FAM53A: variants seen among roughly 807,000 people sequenced by gnomAD.
The protein encoded by FAM53A is family with sequence similarity 53 member A, also known as protein FAM53A.
In FAM53A, 28 loss-of-function variants were observed where a neutral mutation model predicts 26.6. The ratio of observed to expected loss-of-function variants is 1.05; its 90% CI spans 0.78 to 1.45. The LOEUF (loss-of-function observed/expected upper bound fraction) is 1.45. Among genes scored for constraint, FAM53A ranks in the 40% most tolerant of loss-of-function variants. The pLI, the probability that FAM53A is intolerant of heterozygous loss-of-function variation, is 0.00. For missense variants in FAM53A, 650 were observed against 575.8 expected (o/e 1.13, Z -1.32); for synonymous variants, 290 against 253.1 (o/e 1.15, Z -1.38).
In FAM53A at chr4:1,633,368, G is replaced by A. The variant is rs544510157; in HGVS notation, c.432-15257C>T. Among the ~76,000 whole-genome samples the A allele has an allele frequency of 1.6e-3, 245 of 152,262 alleles. 1 individual carries two copies. Among genetic ancestry groups the A allele is most frequent in the Middle Eastern group, 3.4e-3 (1 of 294 alleles). On this transcript the variant is annotated intron_variant, in intron 1 of 1. Coordinates refer to the FAM53A transcript ENST00000489029. ...CTGGGTCAGAGGGTAAATAAAATTCGCCTCAAGAGACGATTTTATAATTAT... is the reference window on the plus strand; with the variant it reads ...CTGGGTCAGAGGGTAAATAAAATTCACCTCAAGAGACGATTTTATAATTAT...
intron 2 of FAM53A, among the ~76,000 whole-genome samples, chr4:1,661,400 C>T (rs1577134409): frequency 1.3e-5 from 2 of 152,228 alleles, no homozygotes; most frequent in African/African-American, 4.8e-5. Context: ...TCCTCAGTCA[C>T]CTGCTTCCCA....
At chr4:1,576,829 C>T in the FAM53A span, among the ~76,000 whole-genome samples, 1 of 152,184 alleles carries the variant, frequency 6.6e-6, no homozygotes, top group Non-Finnish European at 1.5e-5. Context: ...AGAGTTGGGC[C>T]TAGTTTGTCA....
intron 1 of FAM53A, among the ~76,000 whole-genome samples, chr4:1,631,131 G>C (rs965483486): frequency 6.6e-6 from 1 of 152,238 alleles, no homozygotes; most frequent in Non-Finnish European, 1.5e-5. Flanking sequence ...CTTTAGAGGA[G>C]AAAGACTGGA....
chr4:1,597,860 G>A, the FAM53A span, among the ~76,000 whole-genome samples: 1 of 152,258 alleles, frequency 6.6e-6, no homozygotes, highest in Non-Finnish European at 1.5e-5. Flanking sequence ...GCCGGATGTG[G>A]TGGCGGGCGC....
the FAM53A span, among the ~76,000 whole-genome samples, chr4:1,589,912 C>A: frequency 1.3e-5 from 2 of 152,090 alleles, no homozygotes; most frequent in African/African-American, 4.8e-5. Context: ...TCTGCTTTTT[C>A]TTTATTTACA....
At chr4:1,606,094 A>G in the FAM53A span, among the ~76,000 whole-genome samples, 2 of 147,498 alleles carry the variant, frequency 1.4e-5, no homozygotes, top group Admixed American at 1.4e-4. Context: ...GCTGGAGTGC[A>G]GTGGCGCGAT....
chr4:1,599,011 A>G, the FAM53A span, among the ~76,000 whole-genome samples: 1 of 152,242 alleles, frequency 6.6e-6, no homozygotes. The surrounding 1 kb of genome is among the most constrained non-coding windows in gnomAD (Gnocchi z 6.1). Flanking sequence ...CGGGTGCAGC[A>G]CCGCGTTCCT....
chr4:1,682,606 C>T (rs1715527180), intron 1 of FAM53A, among the ~76,000 whole-genome samples: 1 of 152,050 alleles, frequency 6.6e-6, no homozygotes, highest in South Asian at 2.1e-4. Context: ...CCCAATGCAC[C>T]GGTGAAAAAT....
At chr4:1,663,141 G>A (rs933566482) in intron 2 of FAM53A, among the ~76,000 whole-genome samples, 1 of 152,076 alleles carries the variant, frequency 6.6e-6, no homozygotes. Flanking sequence ...AGAGTGAGCC[G>A]AGATCGCGCC....
chr4:1,583,148 C>G, the FAM53A span, among the ~76,000 whole-genome samples: 1 of 152,174 alleles, frequency 6.6e-6, no homozygotes, highest in East Asian at 1.9e-4. Context: ...GCTGGGTGAA[C>G]ACACTGTGGG....
downstream of FAM53A, among the ~76,000 whole-genome samples, chr4:1,637,286 C>T (rs1715887067): frequency 6.6e-6 from 1 of 152,142 alleles, no homozygotes; most frequent in South Asian, 2.1e-4. Flanking sequence ...GACTGGCTGG[C>T]TCTGAGGCCC....
intron 1 of FAM53A, chr4:1,683,665 G>C (rs542871477): frequency 4.2e-4 from 64 of 152,338 alleles, no homozygotes; most frequent in African/African-American, 1.5e-3. Context: ...TCAAAGAAGA[G>C]GCACCAAGGA....
At chr4:1,578,500 G>C in the FAM53A span, among the ~76,000 whole-genome samples, 1 of 151,992 alleles carries the variant, frequency 6.6e-6, no homozygotes, top group Non-Finnish European at 1.5e-5. Flanking sequence ...GAACGTGTGG[G>C]GGTAGGAGGT....
In FAM53A at chr4:1,621,204, T is replaced by C. The variant is rs145787907; in HGVS notation, c.432-3093A>G. On this transcript the variant is annotated intron_variant, in intron 1 of 1. Transcript: ENST00000489029. Reference sequence around the variant, plus strand: ...TACAGGCTCCGCCCCCCAGGGTTCATGCCATTCTCCTGCCTCAGCCTCCCG... The same window carrying C: ...TACAGGCTCCGCCCCCCAGGGTTCACGCCATTCTCCTGCCTCAGCCTCCCG... 2.1e-3 allele frequency among the ~76,000 whole-genome samples: 301 copies of C among 141,374 alleles called. 12 individuals are homozygous for C. In the East Asian group the frequency reaches 0.057, roughly 27 times the overall value. The allele number at this position is 141,374 out of a possible 152,430, so 92.7% of individuals were successfully genotyped here. A position where few individuals can be genotyped will look rare whatever the true frequency, so the allele number is the denominator to read the frequency against.
the FAM53A span, among the ~76,000 whole-genome samples, chr4:1,599,812 T>G: frequency 1.3e-5 from 2 of 152,076 alleles, no homozygotes; most frequent in Non-Finnish European, 1.5e-5. The surrounding 1 kb of genome is among the most constrained non-coding windows in gnomAD (Gnocchi z 6.1). Context: ...GCACTCCGAG[T>G]CCCAGTGGGG....
the FAM53A span, among the ~76,000 whole-genome samples, chr4:1,597,064 G>C: frequency 6.6e-6 from 1 of 152,126 alleles, no homozygotes; most frequent in African/African-American, 2.4e-5. Flanking sequence ...AGCTCCTCTG[G>C]CATCTCTGGA....
At chr4:1,670,756 C>T (rs937061708) in intron 1 of FAM53A, among the ~76,000 whole-genome samples, 1 of 152,222 alleles carries the variant, frequency 6.6e-6, no homozygotes, top group Non-Finnish European at 1.5e-5. Flanking sequence ...TGGCTCCATT[C>T]AAATTGTCTC....
chr4:1,626,053 C>G (rs889199638), intron 1 of FAM53A, among the ~76,000 whole-genome samples: 8 of 152,176 alleles, frequency 5.3e-5, no homozygotes, highest in African/African-American at 1.7e-4. Flanking sequence ...GGTGTGGCTG[C>G]CTGCCAGGGT....
At chr4:1,609,287 G>T in the FAM53A span, among the ~76,000 whole-genome samples, 4 of 152,044 alleles carry the variant, frequency 2.6e-5, no homozygotes, top group East Asian at 7.7e-4. Flanking sequence ...AGCCCCTCGG[G>T]CCTCCTTCCA....
Sources: gnomAD v4.1 joint callset for allele counts (sites outside exome capture counted in the v4.1 genomes callset) on GRCh38, gnomAD v4.1.1 for gene constraint, Gnocchi (gnomAD v3.1) non-coding constraint, MANE v1.5 for transcripts, NCBI Gene and HGNC (gene_info 2026-07-23, HGNC 2026-07-21) for gene names.